Variants in EXOC4 observed in about 807,000 individuals in gnomAD.
The protein encoded by EXOC4 is exocyst complex component 4.
A neutral mutation model predicts 107.2 loss-of-function variants in EXOC4; 71 were observed. The ratio of observed to expected loss-of-function variants is 0.66; its 90% CI spans 0.55 to 0.81. The LOEUF is 0.81. Among genes scored for constraint, EXOC4 ranks in the 30% least tolerant of loss-of-function variants. The pLI, the probability that EXOC4 is intolerant of heterozygous loss-of-function variation, is 0.00. For missense variants in EXOC4, 1,108 were observed against 1,189.6 expected, an observed-to-expected ratio of 0.93 and a Z score of 1.01; for synonymous variants, 456 against 441.2, an observed-to-expected ratio of 1.03 and a Z score of -0.42.
intron 11 of EXOC4, among the ~76,000 whole-genome samples, chr7:133,857,515 C>G (rs1798442430): frequency 6.8e-6 from 1 of 147,680 alleles, no homozygotes; most frequent in Non-Finnish European, 1.5e-5. Flanking sequence ...CCCTGGGCTG[C>G]CAGGCTGTGC....
At chr7:134,025,718 G>T (rs925553700) in intron 17 of EXOC4, among the ~76,000 whole-genome samples, 1 of 152,206 alleles carries the variant, frequency 6.6e-6, no homozygotes, top group Non-Finnish European at 1.5e-5. Flanking sequence ...GATTTTCCAT[G>T]TGATTTCTTC....
chr7:133,701,955 A>ATTTTTCTTTTTCTTTTTC (rs71162020), intron 10 of EXOC4, among the ~76,000 whole-genome samples: 1 of 135,268 alleles, frequency 7.4e-6, no homozygotes, highest in African/African-American at 2.8e-5. Context: ...AATCACTGTC[A>ATTTTTCTTTTTCTTTTTC]TTTTTCTTTT....
rs2116647954 is a variant in EXOC4 at position 134,065,485 on chromosome 7, A to G, written c.*957A>G. 6.6e-6 allele frequency: 1 copy of G among 152,390 alleles called. No individual in the cohort carries two copies. Among genetic ancestry groups the G allele is most frequent in the Admixed American group, 6.5e-5 (1 of 15,292 alleles). The allele number at this position is 152,390 out of a possible 1,614,324, so 9.4% of individuals were successfully genotyped here. On this transcript the variant is annotated 3_prime_UTR_variant, in exon 18 of 18. Coordinates refer to ENST00000253861, the MANE Select transcript of EXOC4 (RefSeq NM_021807.4). ...TCTCTGAATTGTTCCCTCCCCCGCA[A>G]TGTGGGCACTTACCATGTTCCTGGC... is the stretch of plus-strand genomic sequence containing the variant.
intron 11 of EXOC4, among the ~76,000 whole-genome samples, chr7:133,827,259 T>G (rs1483496286): frequency 6.6e-6 from 1 of 152,170 alleles, no homozygotes; most frequent in Non-Finnish European, 1.5e-5. Context: ...GTTGAGCCAC[T>G]GAGAGATGAT....
intron 9 of EXOC4, among the ~76,000 whole-genome samples, chr7:133,520,435 ACTGAGGT>A (rs2150909537): frequency 6.6e-6 from 1 of 152,258 alleles, no homozygotes; most frequent in South Asian, 2.1e-4. Context: ...CTATTATTTT[ACTGAGGT>A]CTGAAATGCT....
At chr7:133,419,964 CTTTTTTTT>C (rs60203961) in intron 7 of EXOC4, among the ~76,000 whole-genome samples, 1 of 134,484 alleles carries the variant, frequency 7.4e-6, no homozygotes. Flanking sequence ...TCTGCTTCTT[CTTTTTTTT>C]TTTTTTTTTT....
At chr7:133,771,740 G>A (rs1238352475) in intron 10 of EXOC4, among the ~76,000 whole-genome samples, 1 of 151,906 alleles carries the variant, frequency 6.6e-6, no homozygotes, top group Non-Finnish European at 1.5e-5. Flanking sequence ...GATTGCCTCG[G>A]CAGAAGATGA....
At chr7:133,981,661 A>G (rs1793981633) in intron 14 of EXOC4, among the ~76,000 whole-genome samples, 1 of 152,200 alleles carries the variant, frequency 6.6e-6, no homozygotes, top group Non-Finnish European at 1.5e-5. Flanking sequence ...GGGAGTGTAA[A>G]TTAGTTCAAC....
intron 17 of EXOC4, among the ~76,000 whole-genome samples, chr7:134,028,472 G>A (rs746305701): frequency 3.3e-5 from 5 of 152,128 alleles, no homozygotes; most frequent in African/African-American, 9.7e-5. Context: ...TATAAGAACC[G>A]CAATTATGTG....
intron 15 of EXOC4, among the ~76,000 whole-genome samples, chr7:134,001,236 A>C (rs1009076643): frequency 6.6e-6 from 1 of 152,148 alleles, no homozygotes; most frequent in African/African-American, 2.4e-5. Context: ...CACCTTTATC[A>C]GCTGATTTTT....
chr7:133,786,501 C>T (rs746246865), intron 10 of EXOC4, among the ~76,000 whole-genome samples: 2 of 152,188 alleles, frequency 1.3e-5, no homozygotes, highest in Non-Finnish European at 2.9e-5. Context: ...CGGCCCAGAA[C>T]GTAACTTAGA....
intron 9 of EXOC4, among the ~76,000 whole-genome samples, chr7:133,557,190 G>C (rs1412241694): frequency 6.6e-6 from 1 of 152,048 alleles, no homozygotes; most frequent in African/African-American, 2.4e-5. Context: ...GACTTTTTCA[G>C]AATGTTGTAG....
chr7:133,859,470 A>G (rs1193612699), intron 11 of EXOC4, among the ~76,000 whole-genome samples: 2 of 152,146 alleles, frequency 1.3e-5, no homozygotes, highest in African/African-American at 2.4e-5. Flanking sequence ...TGGTACCCAC[A>G]CTGGAACTGC....
chr7:133,519,362 G>A (rs1025259753), intron 9 of EXOC4, among the ~76,000 whole-genome samples: 5 of 152,108 alleles, frequency 3.3e-5, no homozygotes, highest in South Asian at 2.1e-4. Flanking sequence ...GGTCGAGGCT[G>A]CAGTAAGCTG....
At chr7:133,518,238 A>G (rs1033262777) in intron 9 of EXOC4, among the ~76,000 whole-genome samples, 2 of 152,100 alleles carry the variant, frequency 1.3e-5, no homozygotes, top group Middle Eastern at 3.4e-3. Flanking sequence ...CTGCAAAGTC[A>G]AAGTCCAAAA....
At chr7:133,913,768 G>A (rs926550322) in intron 12 of EXOC4, among the ~76,000 whole-genome samples, 7 of 152,088 alleles carry the variant, frequency 4.6e-5, no homozygotes, top group African/African-American at 1.7e-4. Flanking sequence ...TAGAAGAGAG[G>A]GCTGCCCTAG....
the EXOC4 span, among the ~76,000 whole-genome samples, chr7:134,080,289 G>A: frequency 1.3e-4 from 20 of 152,232 alleles, 1 homozygote; most frequent in African/African-American, 4.8e-4. Context: ...AGCTTAAGAA[G>A]GTTTTTAAAA....
At chr7:133,424,128 G>A (rs1040217112) in intron 7 of EXOC4, among the ~76,000 whole-genome samples, 1 of 152,136 alleles carries the variant, frequency 6.6e-6, no homozygotes, top group African/African-American at 2.4e-5. Context: ...CCAGATTAGG[G>A]AATAAAAGCA....
Position 133,924,873 on chromosome 7 carries a change from A to C in EXOC4, c.2027+7135A>C, listed in dbSNP as rs146389477. On this transcript the variant is annotated intron_variant, in intron 13 of 17. Coordinates refer to ENST00000253861, the MANE Select transcript of EXOC4 (RefSeq NM_021807.4). ...TTTGCATGTAGAGATGGCTTGAAAA[A>C]CAAACTATATTTGCCTTAACAAAAG... Among the ~76,000 whole-genome samples the C allele has an allele frequency of 2.4e-3, 366 of 152,354 alleles. 5 individuals are homozygous for C. Among genetic ancestry groups the C allele is most frequent in the African/African-American group, 8.2e-3 (342 of 41,580 alleles).
Sources: gnomAD v4.1 joint callset for allele counts (sites outside exome capture counted in the v4.1 genomes callset) on GRCh38, gnomAD v4.1.1 for gene constraint, MANE v1.5 for transcripts, NCBI Gene and HGNC (gene_info 2026-07-23, HGNC 2026-07-21) for gene names.